Variants in FRMD4A observed in about 807,000 individuals in gnomAD.
FRMD4A encodes FERM domain containing 4A.
In FRMD4A, 29 loss-of-function variants were observed where a neutral mutation model predicts 129.1. The ratio of observed to expected loss-of-function variants is 0.22; its 90% CI spans 0.17 to 0.31. The LOEUF is 0.31. Ranked by LOEUF, FRMD4A falls within the 10% of genes least tolerant of loss-of-function variation. FRMD4A has a pLI of 1.00. For missense variants in FRMD4A, 1,272 were observed against 1,375.8 expected (o/e 0.92, Z 1.19); for synonymous variants, 634 against 571.6 (o/e 1.11, Z -1.56).
At chr10:14,202,210 A>G (rs1421702390) in intron 2 of FRMD4A, among the ~76,000 whole-genome samples, 2 of 151,980 alleles carry the variant, frequency 1.3e-5, no homozygotes, top group Non-Finnish European at 2.9e-5. Flanking sequence ...GCTGCAAGAC[A>G]GTGGCAGGCA....
intron 2 of FRMD4A, among the ~76,000 whole-genome samples, chr10:14,113,329 G>A (rs1283704844): frequency 6.6e-6 from 1 of 152,134 alleles, no homozygotes; most frequent in Non-Finnish European, 1.5e-5. Flanking sequence ...GTGAAGATGA[G>A]TAGGATAAAG....
intron 6 of FRMD4A, among the ~76,000 whole-genome samples, chr10:13,765,319 G>A (rs1471120607): frequency 2.0e-5 from 3 of 151,940 alleles, no homozygotes; most frequent in Non-Finnish European, 2.9e-5. Context: ...ATTTCACCAT[G>A]TTGGCCAGGC....
At chr10:14,303,424 C>T (rs1002640129) in intron 2 of FRMD4A, among the ~76,000 whole-genome samples, 1 of 152,180 alleles carries the variant, frequency 6.6e-6, no homozygotes, top group African/African-American at 2.4e-5. Context: ...CCTGGCAGCA[C>T]AGGCAGTGTT....
Position 14,177,782 on chromosome 10 carries a change from T to C in FRMD4A, c.45+152276A>G, listed in dbSNP as rs150007786. ...AGGAATTTGGAATATTCTGTATAAG[T>C]GCACCACTTAGGGAGGGTAGAACTT... is the stretch of plus-strand genomic sequence containing the variant. On this transcript the variant is annotated intron_variant, in intron 2 of 24. Transcript: ENST00000357447. Among the ~76,000 whole-genome samples, 986 of 152,316 alleles carry C rather than the reference T, an allele frequency of 6.5e-3. 8 individuals are homozygous for C. The highest frequency in any genetic ancestry group is 0.023 in the African/African-American group (937 of 41,582).
At chr10:14,261,970 ACACACACACAC>A (rs1844819642) in intron 2 of FRMD4A, among the ~76,000 whole-genome samples, 9 of 136,460 alleles carry the variant, frequency 6.6e-5, no homozygotes, top group African/African-American at 2.3e-4. Flanking sequence ...ACACACACAC[ACACACACACAC>A]ACACACCTCA....
intron 2 of FRMD4A, among the ~76,000 whole-genome samples, chr10:13,887,702 G>T (rs567557036): frequency 2.9e-4 from 44 of 151,970 alleles, no homozygotes; most frequent in African/African-American, 1.0e-3. Flanking sequence ...ATAACTGAAC[G>T]CACACACACA....
chr10:14,059,456 G>C (rs1834701467), intron 2 of FRMD4A, among the ~76,000 whole-genome samples: 1 of 137,710 alleles, frequency 7.3e-6, no homozygotes, highest in Non-Finnish European at 1.6e-5. Context: ...AGATGTCAGA[G>C]AGCCCTCTCT....
intron 2 of FRMD4A, among the ~76,000 whole-genome samples, chr10:14,015,852 C>A (rs963201129): frequency 8.5e-5 from 13 of 152,178 alleles, no homozygotes; most frequent in African/African-American, 3.1e-4. Flanking sequence ...GACACTTTAT[C>A]AAATAGGTAC....
At chr10:13,648,112 C>T (rs1205213272) in intron 24 of FRMD4A, 2 of 152,246 alleles carry the variant, frequency 1.3e-5, no homozygotes, top group East Asian at 1.9e-4. Context: ...AAATGTTTCT[C>T]ATCTGGCCTT....
At chr10:13,931,106 C>A (rs184579716) in intron 2 of FRMD4A, among the ~76,000 whole-genome samples, 6 of 152,250 alleles carry the variant, frequency 3.9e-5, no homozygotes, top group African/African-American at 1.4e-4. Context: ...AAGCCTTTGG[C>A]CTAAAATGTT....
chr10:13,947,507 C>T (rs2095340491), intron 2 of FRMD4A, among the ~76,000 whole-genome samples: 1 of 151,968 alleles, frequency 6.6e-6, no homozygotes, highest in African/African-American at 2.4e-5. Flanking sequence ...AAACCAAGAT[C>T]TGTGGTCATA....
At chr10:13,662,798 C>T in intron 19 of FRMD4A, among the ~76,000 whole-genome samples, 1 of 152,198 alleles carries the variant, frequency 6.6e-6, no homozygotes, top group East Asian at 1.9e-4. Flanking sequence ...CTTACACTCT[C>T]CTAGTGGGTT....
At chr10:14,296,504 G>A (rs1286287900) in intron 2 of FRMD4A, among the ~76,000 whole-genome samples, 2 of 152,074 alleles carry the variant, frequency 1.3e-5, no homozygotes, top group Non-Finnish European at 2.9e-5. Flanking sequence ...CTGCCCTCAG[G>A]TGTCAGCTGG....
intron 14 of FRMD4A, 111 bp downstream of exon 14, chr10:13,701,229 G>T: frequency 3.2e-6 from 3 of 938,858 alleles, no homozygotes; most frequent in South Asian, 1.5e-5. Flanking sequence ...ATCTGTGCAA[G>T]GTATGGACCC....
At chr10:13,888,114 T>C (rs1397345791) in intron 2 of FRMD4A, among the ~76,000 whole-genome samples, 3 of 152,206 alleles carry the variant, frequency 2.0e-5, no homozygotes, top group Non-Finnish European at 4.4e-5. Context: ...TGAAATTTTC[T>C]GGGAAAAACA....
intron 2 of FRMD4A, among the ~76,000 whole-genome samples, chr10:14,288,545 A>T (rs893791020): frequency 6.6e-6 from 1 of 152,210 alleles, no homozygotes; most frequent in African/African-American, 2.4e-5. Context: ...TCATCTTGCC[A>T]GATTTTAGGC....
intron 14 of FRMD4A, among the ~76,000 whole-genome samples, chr10:13,697,959 C>T (rs988835162): frequency 1.3e-5 from 2 of 152,070 alleles, no homozygotes; most frequent in African/African-American, 4.8e-5. Context: ...TAGAAGTTAC[C>T]AATTATAATT....
chr10:13,872,507 C>T (rs7899899), intron 2 of FRMD4A, among the ~76,000 whole-genome samples: 7,502 of 152,352 alleles, frequency 0.049, 202 homozygotes, highest in South Asian at 0.073. Context: ...AATACCCATG[C>T]ACGATGTGTG....
chr10:14,111,455 G>A (rs1837896976), intron 2 of FRMD4A, among the ~76,000 whole-genome samples: 1 of 152,132 alleles, frequency 6.6e-6, no homozygotes, highest in Non-Finnish European at 1.5e-5. Flanking sequence ...GTTATAAAAT[G>A]CCCAGATGTT....
Sources: gnomAD v4.1 joint callset for allele counts (sites outside exome capture counted in the v4.1 genomes callset) on GRCh38, gnomAD v4.1.1 for gene constraint, MANE v1.5 for transcripts, NCBI Gene and HGNC (gene_info 2026-07-23, HGNC 2026-07-21) for gene names.